Variants in SLC12A1 observed in about 807,000 individuals in gnomAD.
SLC12A1 encodes solute carrier family 12 member 1.
A neutral mutation model predicts 130.4 loss-of-function variants in SLC12A1; 89 were observed. The observed-to-expected ratio is 0.68, with a 90% CI of 0.58 to 0.81. The LOEUF (loss-of-function observed/expected upper bound fraction) is 0.81, where lower values mean the gene tolerates loss of function less well. Among genes scored for constraint, SLC12A1 ranks in the 40% least tolerant of loss-of-function variants. The pLI is 0.00. For synonymous variants in SLC12A1, 499 were observed against 460.0 expected (o/e 1.08, Z -1.09); for missense variants, 1,310 against 1,336.4 (o/e 0.98, Z 0.31).
intron 19 of SLC12A1, among the ~76,000 whole-genome samples, chr15:48,270,212 G>A (rs972116618): frequency 6.6e-6 from 1 of 152,120 alleles, no homozygotes; most frequent in Non-Finnish European, 1.5e-5. Flanking sequence ...TATGCCAGGT[G>A]CTTCTGCTAC....
rs1448209660 is a variant in SLC12A1, at chr15:48,220,684, G to T, written c.471G>T (p.Gly157=). The change falls in exon 3 of 27, where the codon GGG becomes GGT. Residue 157 remains glycine (G), a synonymous_variant. Transcript: ENST00000380993. ...CTGACAGAGTTGCTAACGGTGATGG[G>T]ATACCTGGAGATGAACAAGCTGAAA... ...SSADRVANGD[G]IPGDEQAENK... The T allele has an allele frequency of 6.2e-7, 1 of 1,613,630 alleles. No individual in the cohort carries two copies. Among genetic ancestry groups the T allele is most frequent in the Non-Finnish European group, 8.5e-7 (1 of 1,179,776 alleles).
At position 48,225,848 on chromosome 15, in the gene SLC12A1, T is replaced by G. The variant is rs573782358; in HGVS notation, c.629-628T>G. On this transcript the variant is annotated intron_variant, in intron 4 of 26. Transcript: ENST00000380993. ...ATACCTTTATTTTTCCTCTTTCAAC[T>G]GAGGTCTTGGTGTGATTATCATCGG... 7.2e-6 allele frequency: 7 copies of G among 968,068 alleles called. No individual in the cohort carries two copies. The South Asian group carries it at 1.9e-4, about 26-fold the overall frequency. 60.0% of individuals were successfully genotyped at this position (968,068 alleles called of 1,614,324 possible).
At chr15:48,272,203 G>C (rs145148162) in intron 19 of SLC12A1, among the ~76,000 whole-genome samples, 30 of 152,284 alleles carry the variant, frequency 2.0e-4, no homozygotes, top group African/African-American at 7.2e-4. Flanking sequence ...AGCTGGACTG[G>C]TAAAGTTAAA....
intron 24 of SLC12A1, among the ~76,000 whole-genome samples, chr15:48,293,454 G>A (rs1268424630): frequency 6.6e-6 from 1 of 152,188 alleles, no homozygotes; most frequent in Non-Finnish European, 1.5e-5. Context: ...ACAGAGGGAT[G>A]TGAAGGTCCT....
chr15:48,219,069 T>A (rs763916448), intron 2 of SLC12A1, among the ~76,000 whole-genome samples: 28 of 152,240 alleles, frequency 1.8e-4, no homozygotes, highest in Non-Finnish European at 3.7e-4. Flanking sequence ...TTCTTATTTC[T>A]ACTCAACTAG....
chr15:48,285,462 A>C (rs2042047448), intron 21 of SLC12A1, among the ~76,000 whole-genome samples: 1 of 152,188 alleles, frequency 6.6e-6, no homozygotes. Flanking sequence ...TACTGTCAAA[A>C]ATTATTTTTT....
chr15:48,249,858 T>G (rs181564767), intron 14 of SLC12A1, among the ~76,000 whole-genome samples, 182 bp downstream of exon 14: 2 of 152,348 alleles, frequency 1.3e-5, no homozygotes, highest in African/African-American at 4.8e-5. Context: ...AAAAGAATCA[T>G]TTGAGCAATG....
At chr15:48,280,454 C>A (rs969513261) in intron 20 of SLC12A1, among the ~76,000 whole-genome samples, 2 of 152,056 alleles carry the variant, frequency 1.3e-5, no homozygotes, top group Non-Finnish European at 2.9e-5. Flanking sequence ...TTTCTTCCAC[C>A]GTCATAACTT....
At chr15:48,227,090 A>G (rs759728806) in intron 5 of SLC12A1, 1 of 1,551,918 alleles carries the variant, frequency 6.4e-7, no homozygotes, top group South Asian at 1.2e-5. Context: ...TCTTGGAGTC[A>G]TCATCATTGG....
At chr15:48,236,308 T>C (rs2041439919) in intron 9 of SLC12A1, among the ~76,000 whole-genome samples, 1 of 152,218 alleles carries the variant, frequency 6.6e-6, no homozygotes, top group African/African-American at 2.4e-5. Flanking sequence ...AGGGATGATT[T>C]TCTCAAGGAA....
intron 9 of SLC12A1, among the ~76,000 whole-genome samples, chr15:48,241,112 A>T (rs1025894359): frequency 1.3e-5 from 2 of 152,230 alleles, no homozygotes; most frequent in Non-Finnish European, 2.9e-5. Context: ...GTATAAAAAA[A>T]ATACACCCAG....
intron 25 of SLC12A1, 102 bp downstream of exon 25, chr15:48,299,377 T>C (rs981099087): frequency 9.6e-7 from 1 of 1,040,834 alleles, no homozygotes. Context: ...TTATCAAATG[T>C]CATTATTCAA....
At chr15:48,281,809 G>A (rs1221176072) in intron 20 of SLC12A1, among the ~76,000 whole-genome samples, 1 of 152,204 alleles carries the variant, frequency 6.6e-6, no homozygotes, top group African/African-American at 2.4e-5. Flanking sequence ...TGTCAGGCTA[G>A]TGGAAATCAA....
chr15:48,234,914 A>T lies in SLC12A1; in HGVS notation c.1125A>T (p.Thr375=), dbSNP rs771449836. The T allele has an allele frequency of 2.5e-6, 4 of 1,613,802 alleles. No individual in the cohort carries two copies. The highest frequency in any genetic ancestry group is 3.4e-6 in the Non-Finnish European group (4 of 1,179,750). The change falls in exon 9 of 27, where the codon ACA becomes ACT. Residue 375 remains threonine (T), a synonymous_variant. Transcript: ENST00000380993. ...CAGAAAACTTTGGGCCACGCTTCAC[A>T]AAGGGTGAAGGCTTCTTCTCTGTCT... ...IFAENFGPRF[T]KGEGFFSVFA...
At chr15:48,227,605 A>G (rs1020959916) in intron 5 of SLC12A1, 4 of 179,856 alleles carry the variant, frequency 2.2e-5, no homozygotes, top group Non-Finnish European at 4.7e-5. Flanking sequence ...TGTGCTCCCA[A>G]TGACCAACAG....
chr15:48,259,056 A>G (rs1226674772), intron 16 of SLC12A1, 144 bp from the exon 17 acceptor site: 1 of 600,360 alleles, frequency 1.7e-6, no homozygotes. Context: ...ATGATTCAAG[A>G]ATACTGGTGC....
At chr15:48,253,386 G>A (rs1040672090) in intron 15 of SLC12A1, among the ~76,000 whole-genome samples, 2 of 152,132 alleles carry the variant, frequency 1.3e-5, no homozygotes, top group Non-Finnish European at 2.9e-5. Context: ...CTTTTCTGAC[G>A]TCTGATCCTG....
chr15:48,292,675 A>T (rs942107802), intron 24 of SLC12A1, among the ~76,000 whole-genome samples: 2 of 152,108 alleles, frequency 1.3e-5, no homozygotes, highest in Non-Finnish European at 2.9e-5. Context: ...TCTTCCTGGT[A>T]TGTAGATGGC....
chr15:48,225,381 G>A (rs2041271414), intron 4 of SLC12A1: 1 of 152,130 alleles, frequency 6.6e-6, no homozygotes, highest in South Asian at 2.1e-4. Flanking sequence ...TATCTTGACA[G>A]CTTGGAATTG....
Sources: allele counts gnomAD v4.1 joint callset (sites outside exome capture counted in the v4.1 genomes callset), GRCh38; gene constraint gnomAD v4.1.1; transcripts MANE v1.5; gene names NCBI Gene and HGNC (gene_info 2026-07-23, HGNC 2026-07-21).